The following MSRA variants were observed in gnomAD, a reference collection of about 807,000 sequenced individuals.
MSRA encodes the protein mitochondrial peptide methionine sulfoxide reductase.
MSRA carries 54 observed loss-of-function variants against 31.3 expected under a neutral mutation model. The ratio of observed to expected loss-of-function variants is 1.73; its 90% confidence interval spans 1.39 to 2.17. The LOEUF is 2.17. Ranked by LOEUF, MSRA falls within the 30% of genes most tolerant of loss-of-function variation. The pLI is 0.00. For missense variants in MSRA, 507 were observed against 300.9 expected (o/e 1.69, Z -5.07); for synonymous variants, 169 against 116.5 (o/e 1.45, Z -2.90).
At chr8:10,225,020 C>G (rs999117448) in intron 2 of MSRA, among the ~76,000 whole-genome samples, 2 of 152,194 alleles carry the variant, frequency 1.3e-5, no homozygotes, top group African/African-American at 2.4e-5. Context: ...TGCCTGTAAT[C>G]CCAGCTACTC....
chr8:10,319,580 G>A (rs1391663385), intron 4 of MSRA, among the ~76,000 whole-genome samples: 2 of 151,464 alleles, frequency 1.3e-5, no homozygotes, highest in African/African-American at 4.9e-5. Context: ...GGAGTAGATC[G>A]TTGTTTAAGT....
intron 1 of MSRA, among the ~76,000 whole-genome samples, chr8:10,136,280 T>C (rs2129028366): frequency 6.6e-6 from 1 of 152,290 alleles, no homozygotes; most frequent in South Asian, 2.1e-4. Flanking sequence ...TCCTTATCTA[T>C]CTCAACTAGC....
chr8:10,054,435 A>C lies in MSRA; in HGVS notation c.-82A>C. The C allele has an allele frequency of 7.5e-6, 5 of 669,086 alleles. No homozygotes were observed. Among genetic ancestry groups the C allele is most frequent in the Non-Finnish European group, 6.4e-6 (3 of 467,712 alleles). 41.4% of individuals were successfully genotyped at this position (669,086 alleles called of 1,614,324 possible). On this transcript the variant is annotated 5_prime_UTR_variant, in exon 1 of 6. Coordinates refer to ENST00000317173, the MANE Select transcript of MSRA (RefSeq NM_012331.5). ...TGCCGCCCCCCGGTTCCGGCCGCGG[A>C]CCCCACTCTCTGCCGTTCCGGCTGC...
rs539045915 is a variant in MSRA, at chr8:10,323,311, G to A, written c.543+3322G>A. Reference sequence around the variant, plus strand: ...ATAACTACTACTAAAAGTCACATATGATAATGCCATCTATAAACTCCCTTA... The same window carrying A: ...ATAACTACTACTAAAAGTCACATATAATAATGCCATCTATAAACTCCCTTA... On this transcript the variant is annotated intron_variant, in intron 5 of 5. Coordinates refer to ENST00000317173, the MANE Select transcript of MSRA (RefSeq NM_012331.5). 6.6e-5 allele frequency among the ~76,000 whole-genome samples: 10 copies of A among 151,010 alleles called. No individual in the cohort carries two copies. In the South Asian group the frequency reaches 2.2e-3, roughly 33 times the overall value.
In MSRA at chr8:10,313,411, G is replaced by T. The variant is rs140496706; in HGVS notation, c.437-6472G>T. ...ATTATGTCCACCCACTGGAATTTCAGGGTTTACTTATTTACCAGGAACTGG... is the reference window on the plus strand; with the variant it reads ...ATTATGTCCACCCACTGGAATTTCATGGTTTACTTATTTACCAGGAACTGG... On this transcript the variant is annotated intron_variant, in intron 4 of 5. Transcript: ENST00000317173. 3.6e-4 allele frequency among the ~76,000 whole-genome samples: 54 copies of T among 151,960 alleles called. No individual in the cohort carries two copies. The East Asian group carries it at 5.8e-3, about 16-fold the overall frequency.
At chr8:10,075,240 T>C (rs967937946) in intron 1 of MSRA, among the ~76,000 whole-genome samples, 7 of 152,194 alleles carry the variant, frequency 4.6e-5, no homozygotes, top group African/African-American at 1.7e-4. Context: ...ATGATGACCA[T>C]TAGTTAAATG....
intron 1 of MSRA, among the ~76,000 whole-genome samples, chr8:10,149,394 G>A (rs1392695104): frequency 1.3e-5 from 2 of 152,148 alleles, no homozygotes; most frequent in Non-Finnish European, 2.9e-5. Flanking sequence ...AAAGTGCTGG[G>A]GTTACAGGCG....
rs76600074 is a variant in MSRA at position 10,087,457 on chromosome 8, C to T, written c.142+32799C>T. Among the ~76,000 whole-genome samples the T allele has an allele frequency of 2.4e-3, 367 of 152,246 alleles. 2 individuals are homozygous for T. Among genetic ancestry groups the T allele is most frequent in the Non-Finnish European group, 3.3e-3 (223 of 68,016 alleles). ...TCAGAGAGTGCTGGAGAGAATTGTT[C>T]GAGTGAATGGATGTGTCTAACACTG... On this transcript the variant is annotated intron_variant, in intron 1 of 5. Transcript: ENST00000317173.
chr8:10,178,250 T>G (rs1275434925), intron 1 of MSRA, among the ~76,000 whole-genome samples: 1 of 152,164 alleles, frequency 6.6e-6, no homozygotes, highest in Non-Finnish European at 1.5e-5. Context: ...TCGCTTAGTT[T>G]ACCATACTCT....
intron 1 of MSRA, among the ~76,000 whole-genome samples, chr8:10,187,606 A>C (rs534195393): frequency 6.6e-6 from 1 of 152,226 alleles, no homozygotes; most frequent in Admixed American, 6.5e-5. Flanking sequence ...TAGGTGGGCT[A>C]TCCACTGTAA....
rs530018456 is a variant in MSRA at position 10,228,387 on chromosome 8, C to T, written c.212-16717C>T. Reference sequence around the variant, plus strand: ...ACTCTACGTGTACTTTATTGATATCCAGTAAATGCCCAGTACAGAAAATGC... The same window carrying T: ...ACTCTACGTGTACTTTATTGATATCTAGTAAATGCCCAGTACAGAAAATGC... On this transcript the variant is annotated intron_variant, in intron 2 of 5. Transcript: ENST00000317173. Among the ~76,000 whole-genome samples the T allele has an allele frequency of 1.1e-4, 16 of 152,304 alleles. 1 individual carries two copies. In the East Asian group the frequency reaches 3.1e-3, roughly 29 times the overall value.
At chr8:10,334,515 T>C (rs890988011) in intron 5 of MSRA, among the ~76,000 whole-genome samples, 1 of 152,082 alleles carries the variant, frequency 6.6e-6, no homozygotes, top group Non-Finnish European at 1.5e-5. Context: ...ACAGGGGCAG[T>C]GCGTTTGCGT....
At chr8:10,261,268 T>C (rs1294571130) in intron 3 of MSRA, among the ~76,000 whole-genome samples, 3 of 152,170 alleles carry the variant, frequency 2.0e-5, no homozygotes, top group African/African-American at 7.2e-5. Context: ...GTGTTAATTC[T>C]TTTTTAAAGC....
At position 10,415,992 on chromosome 8, in the gene MSRA, C is replaced by G. The variant is rs528383018; in HGVS notation, c.544-12156C>G. 3.9e-5 allele frequency among the ~76,000 whole-genome samples: 6 copies of G among 152,274 alleles called. No homozygotes were observed. In the South Asian group the frequency reaches 1.2e-3, roughly 32 times the overall value. Reference sequence around the variant, plus strand: ...TTCACAGTCCCGTGTGTCCTCTCTCCTCCAAGGGAATTCTGACCCTCTGGG... The same window carrying G: ...TTCACAGTCCCGTGTGTCCTCTCTCGTCCAAGGGAATTCTGACCCTCTGGG... On this transcript the variant is annotated intron_variant, in intron 5 of 5. Coordinates refer to ENST00000317173, the MANE Select transcript of MSRA (RefSeq NM_012331.5).
At chr8:10,250,175 C>G (rs1797843641) in intron 3 of MSRA, among the ~76,000 whole-genome samples, 1 of 152,130 alleles carries the variant, frequency 6.6e-6, no homozygotes, top group Admixed American at 6.6e-5. Context: ...AACTGGCATG[C>G]TGTTGCTTTA....
chr8:10,214,377 T>C (rs879497300), intron 2 of MSRA, among the ~76,000 whole-genome samples: 1 of 152,008 alleles, frequency 6.6e-6, no homozygotes, highest in African/African-American at 2.4e-5. Flanking sequence ...CTGTCTGACA[T>C]GAATGGGAGG....
intron 3 of MSRA, among the ~76,000 whole-genome samples, chr8:10,251,650 G>A (rs1167437479): frequency 1.3e-5 from 2 of 152,046 alleles, no homozygotes; most frequent in East Asian, 3.9e-4. Context: ...ATACCCTTAG[G>A]ACCAAAGATA....
intron 5 of MSRA, among the ~76,000 whole-genome samples, chr8:10,416,912 T>C (rs1237051395): frequency 6.6e-6 from 1 of 152,234 alleles, no homozygotes; most frequent in Non-Finnish European, 1.5e-5. Flanking sequence ...TCTGTCGTTC[T>C]GCATTGCAAA....
At chr8:10,420,927 G>A (rs1185897132) in intron 5 of MSRA, among the ~76,000 whole-genome samples, 1 of 151,778 alleles carries the variant, frequency 6.6e-6, no homozygotes, top group African/African-American at 2.4e-5. Context: ...AGCCTGAGAG[G>A]TCCAAGCTGC....
Sources: gnomAD v4.1 joint callset for allele counts (sites outside exome capture counted in the v4.1 genomes callset) on GRCh38, gnomAD v4.1.1 for gene constraint, MANE v1.5 for transcripts, NCBI Gene and HGNC (gene_info 2026-07-23, HGNC 2026-07-21) for gene names.